Variants in MICAL3 observed in about 807,000 individuals in gnomAD.
The protein encoded by MICAL3 is [F-actin]-monooxygenase MICAL3.
In MICAL3, 62 loss-of-function variants were observed where a neutral mutation model predicts 207.4. The observed-to-expected ratio is 0.30, with a 90% CI of 0.24 to 0.37. The LOEUF (loss-of-function observed/expected upper bound fraction) is 0.37, where lower values mean the gene tolerates loss of function less well. Ranked by LOEUF, MICAL3 falls within the 10% of genes least tolerant of loss-of-function variation. MICAL3 has a pLI of 1.00. For missense variants in MICAL3, 2,368 were observed against 2,635.6 expected (o/e 0.90, Z 2.22); for synonymous variants, 1,077 against 1,069.3 (o/e 1.01, Z -0.14).
intron 19 of MICAL3, among the ~76,000 whole-genome samples, chr22:17,845,583 A>C (rs1020915840): frequency 2.0e-5 from 3 of 146,836 alleles, no homozygotes; most frequent in Non-Finnish European, 4.5e-5. Flanking sequence ...AGCCGGCTGC[A>C]AAAAAAAAAC....
chr22:17,835,812 C>T (rs994701176), intron 20 of MICAL3, among the ~76,000 whole-genome samples: 1 of 152,218 alleles, frequency 6.6e-6, no homozygotes, highest in Admixed American at 6.5e-5. Flanking sequence ...GGGTCTGCCT[C>T]CCCCAGGGTC....
chr22:17,943,841 AT>A (rs1453158588), intron 1 of MICAL3, among the ~76,000 whole-genome samples: 1 of 152,238 alleles, frequency 6.6e-6, no homozygotes, highest in East Asian at 1.9e-4. Flanking sequence ...AACCACTGCA[AT>A]TGTTAAATTG....
chr22:17,884,323 G>A, intron 16 of MICAL3: 1 of 1,595,372 alleles, frequency 6.3e-7, no homozygotes, highest in East Asian at 2.3e-5. Flanking sequence ...CAGGCAGGCA[G>A]CAGGACGGCT....
chr22:17,894,049 T>C (rs1170175373), intron 10 of MICAL3, 145 bp from the exon 11 acceptor site: 2 of 636,986 alleles, frequency 3.1e-6, no homozygotes, highest in Non-Finnish European at 2.8e-6. Context: ...GACCTTTAAA[T>C]CTTTTATGAA....
chr22:17,824,100 C>A lies in MICAL3; in HGVS notation c.3194-1040G>T, dbSNP rs147923371. Among the ~76,000 whole-genome samples the A allele has an allele frequency of 1.0e-2, 1,519 of 152,278 alleles. 15 individuals are homozygous for A. Among genetic ancestry groups the A allele is most frequent in the Middle Eastern group, 0.027 (8 of 294 alleles). On this transcript the variant is annotated intron_variant, in intron 22 of 31. Transcript: ENST00000441493. ...CCTAAGCACGCACACACCGTCCCCACCTCCCACACTCCGAACTTGCACCAG... is the reference window on the plus strand; with the variant it reads ...CCTAAGCACGCACACACCGTCCCCAACTCCCACACTCCGAACTTGCACCAG...
At chr22:17,980,789 GCTGCCCGTCTGCTCCT>G (rs1935871983) in intron 1 of MICAL3, 2 of 474,938 alleles carry the variant, frequency 4.2e-6, no homozygotes, top group African/African-American at 4.1e-5. Context: ...CAGCAAACCA[GCTGCCCGTCTGCTCCT>G]CTGCCTCAGC....
chr22:17,991,548 T>G (rs9605486), intron 1 of MICAL3, among the ~76,000 whole-genome samples: 4,398 of 152,294 alleles, frequency 0.029, 87 homozygotes, highest in African/African-American at 0.037. Flanking sequence ...CTGGTGGTCA[T>G]GCACAGAAGG....
At chr22:17,897,136 A>C (rs1471460389) in intron 7 of MICAL3, among the ~76,000 whole-genome samples, 155 bp from the exon 8 acceptor site, 1 of 152,050 alleles carries the variant, frequency 6.6e-6, no homozygotes, top group Non-Finnish European at 1.5e-5. Flanking sequence ...GGCGGGGGGA[A>C]AGGCAGCCAG....
rs1930399589 is a variant in MICAL3, at chr22:17,891,625, T to C, written c.1554A>G (p.Val518=). 1.9e-6 allele frequency: 3 copies of C among 1,613,902 alleles called. No individual in the cohort carries two copies. Among genetic ancestry groups the C allele is most frequent in the Non-Finnish European group, 1.7e-6 (2 of 1,179,854 alleles). The change falls in exon 12 of 32, where the codon GTA becomes GTG. Residue 518 remains valine, a synonymous_variant. Transcript: ENST00000441493. ...AACCCAGCAGTTTGCTTGAACGAGC[T>C]ACAGACTCTAAAACAACAAAACACA... The part of the protein sequence containing the change: ...TTPKLTRNES[V]ARSSKLLGWC...
chr22:17,860,623 G>T, intron 19 of MICAL3: 1 of 985,510 alleles, frequency 1.0e-6, no homozygotes. Flanking sequence ...GATAGGAGTG[G>T]GCTCAAACGG....
chr22:17,995,681 A>AT (rs1215280572), intron 1 of MICAL3, among the ~76,000 whole-genome samples: 9 of 149,640 alleles, frequency 6.0e-5, no homozygotes, highest in South Asian at 2.1e-4. Context: ...TATTTTTTGT[A>AT]TTTTTTTTGT....
At chr22:17,827,366 AAGAC>A (rs954104280) in intron 22 of MICAL3, among the ~76,000 whole-genome samples, 7 of 152,228 alleles carry the variant, frequency 4.6e-5, no homozygotes, top group African/African-American at 1.7e-4. Flanking sequence ...ACATGAGAGA[AAGAC>A]AGAAAATTCT....
intron 1 of MICAL3, among the ~76,000 whole-genome samples, chr22:17,951,701 C>CTT (rs1254646327): frequency 1.4e-5 from 2 of 140,060 alleles, no homozygotes; most frequent in African/African-American, 2.8e-5. Context: ...AAATTTCTTT[C>CTT]TTTTTTTTTT....
chr22:17,877,063 T>A (rs376139662), intron 16 of MICAL3, among the ~76,000 whole-genome samples: 1 of 74,464 alleles, frequency 1.3e-5, no homozygotes, highest in Admixed American at 1.8e-4. Flanking sequence ...AGGGAGGTTA[T>A]GGAGGTTAGG....
intron 17 of MICAL3, 148 bp from the exon 18 acceptor site, chr22:17,866,160 C>A: frequency 1.5e-6 from 1 of 658,220 alleles, no homozygotes; most frequent in South Asian, 1.7e-5. Context: ...GCTTTCTTGT[C>A]CAGAGAAGCC....
chr22:17,791,475 G>T, intron 29 of MICAL3, 174 bp from the exon 30 acceptor site: 2 of 630,480 alleles, frequency 3.2e-6, no homozygotes, highest in South Asian at 3.7e-5. Flanking sequence ...CCCCCTTCCT[G>T]GGGCCTGCGC....
intron 19 of MICAL3, among the ~76,000 whole-genome samples, chr22:17,843,068 C>T (rs1924218221): frequency 7.2e-6 from 1 of 139,380 alleles, no homozygotes; most frequent in Non-Finnish European, 1.5e-5. Flanking sequence ...TTGCAGTGAA[C>T]CGAGATTGCG....
chr22:17,871,444 C>T (rs189589448), intron 17 of MICAL3, among the ~76,000 whole-genome samples: 1 of 152,224 alleles, frequency 6.6e-6, no homozygotes, highest in African/African-American at 2.4e-5. Flanking sequence ...CCAGCTCCAA[C>T]TTGCTGTCAT....
chr22:17,957,303 T>C (rs1364704241), intron 1 of MICAL3, among the ~76,000 whole-genome samples: 1 of 152,246 alleles, frequency 6.6e-6, no homozygotes, highest in African/African-American at 2.4e-5. Context: ...ACACTGGCTC[T>C]GGGCTTCCCA....
Sources: gnomAD v4.1 joint callset for allele counts (sites outside exome capture counted in the v4.1 genomes callset) on GRCh38, gnomAD v4.1.1 for gene constraint, MANE v1.5 for transcripts, NCBI Gene and HGNC (gene_info 2026-07-23, HGNC 2026-07-21) for gene names.